Variants in KLRG1 observed in about 807,000 individuals in gnomAD.
The protein encoded by KLRG1 is killer cell lectin-like receptor subfamily G member 1.
In KLRG1, 16 loss-of-function variants were observed where a neutral mutation model predicts 21.8. The observed-to-expected ratio is 0.73, with a 90% CI of 0.50 to 1.11. The LOEUF (loss-of-function observed/expected upper bound fraction) is 1.11. Among genes scored for constraint, KLRG1 ranks in the 50% most tolerant of loss-of-function variants. KLRG1 has a pLI of 0.00. For missense variants in KLRG1, 173 were observed against 218.3 expected (o/e 0.79, Z 1.31); for synonymous variants, 69 against 75.9 (o/e 0.91, Z 0.47).
the KLRG1 span, chr12:9,157,643 C>T: frequency 4.3e-5 from 37 of 863,270 alleles, no homozygotes; most frequent in Non-Finnish European, 6.4e-5. Context: ...AAGAGCTTAT[C>T]AGTCTGAGAA....
At chr12:9,068,041 A>G in the KLRG1 span, 1 of 1,067,332 alleles carries the variant, frequency 9.4e-7, no homozygotes, top group Non-Finnish European at 1.4e-6. Flanking sequence ...CTCTCCAATA[A>G]ATGTGTTTTT....
At chr12:9,197,387 A>G in the KLRG1 span, among the ~76,000 whole-genome samples, 3 of 142,186 alleles carry the variant, frequency 2.1e-5, no homozygotes, top group African/African-American at 7.7e-5. Flanking sequence ...TTAATATATA[A>G]TATTATAATT....
the KLRG1 span, among the ~76,000 whole-genome samples, chr12:9,209,741 T>C: frequency 6.6e-6 from 1 of 152,120 alleles, no homozygotes; most frequent in African/African-American, 2.4e-5. Flanking sequence ...TTCTTCAAGA[T>C]GTGTTTATGT....
At chr12:9,157,916 C>T in the KLRG1 span, 67 of 1,192,500 alleles carry the variant, frequency 5.6e-5, no homozygotes, top group East Asian at 5.8e-4. Flanking sequence ...TTGATGGAAA[C>T]GCTCCTCAGT....
At chr12:9,189,675 A>C in the KLRG1 span, among the ~76,000 whole-genome samples, 1 of 152,228 alleles carries the variant, frequency 6.6e-6, no homozygotes, top group Non-Finnish European at 1.5e-5. Context: ...TCTGCACAGC[A>C]AAAGAAACTA....
the KLRG1 span, among the ~76,000 whole-genome samples, chr12:9,096,799 G>T: frequency 2.6e-5 from 4 of 151,974 alleles, no homozygotes; most frequent in African/African-American, 9.7e-5. Context: ...CATAATTATT[G>T]TCTGTCTCAT....
chr12:9,157,217 T>A, the KLRG1 span: 2 of 1,614,156 alleles, frequency 1.2e-6, no homozygotes. Flanking sequence ...AGTATTTCTC[T>A]ATTCTGATTT....
At chr12:9,199,032 G>T in the KLRG1 span, among the ~76,000 whole-genome samples, 2 of 152,138 alleles carry the variant, frequency 1.3e-5, no homozygotes, top group African/African-American at 4.8e-5. Flanking sequence ...TAATCACAGA[G>T]GGCAACAGTG....
At chr12:9,075,581 G>A in the KLRG1 span, among the ~76,000 whole-genome samples, 5 of 145,036 alleles carry the variant, frequency 3.4e-5, no homozygotes, top group African/African-American at 1.4e-4. Context: ...ACATAGTGTT[G>A]AACTTAGAAA....
the KLRG1 span, among the ~76,000 whole-genome samples, chr12:9,191,196 A>G: frequency 2.6e-5 from 4 of 152,164 alleles, no homozygotes; most frequent in Non-Finnish European, 4.4e-5. Flanking sequence ...TTGGAATATT[A>G]TAAAAGAAAA....
the KLRG1 span, among the ~76,000 whole-genome samples, chr12:9,194,621 C>T: frequency 1.7e-4 from 26 of 152,110 alleles, no homozygotes; most frequent in African/African-American, 5.5e-4. Flanking sequence ...CCCGCCACCC[C>T]GCCCAGCTAA....
chr12:9,014,180 TG>T (rs1947668607), downstream of KLRG1, among the ~76,000 whole-genome samples: 1 of 152,036 alleles, frequency 6.6e-6, no homozygotes, highest in Non-Finnish European at 1.5e-5. Flanking sequence ...AGACAGAGAC[TG>T]GGGTAGAAAG....
chr12:9,077,727 C>T, the KLRG1 span: 1 of 1,613,986 alleles, frequency 6.2e-7, no homozygotes, highest in East Asian at 2.2e-5. Context: ...AGCAGTGACC[C>T]AGAGCTCCTG....
At chr12:9,198,166 T>C in the KLRG1 span, among the ~76,000 whole-genome samples, 57 of 151,186 alleles carry the variant, frequency 3.8e-4, no homozygotes, top group African/African-American at 1.4e-3. Context: ...ATGGGTAACA[T>C]AGCAGGACCC....
At chr12:9,143,342 T>C in the KLRG1 span, among the ~76,000 whole-genome samples, 9 of 151,986 alleles carry the variant, frequency 5.9e-5, no homozygotes, top group Admixed American at 2.0e-4. Flanking sequence ...GTTGAAGCAG[T>C]TTTTGAATGA....
At chr12:9,168,623 C>T in the KLRG1 span, 4 of 382,216 alleles carry the variant, frequency 1.0e-5, no homozygotes, top group Non-Finnish European at 1.9e-5. Flanking sequence ...CCCTCTCTTA[C>T]AGTACATCAG....
the KLRG1 span, among the ~76,000 whole-genome samples, chr12:9,209,877 T>G: frequency 3.9e-5 from 6 of 152,164 alleles, no homozygotes; most frequent in Non-Finnish European, 7.4e-5. Flanking sequence ...TTATTAGCAT[T>G]GATAATGAGG....
rs1396634197 is a variant in KLRG1 at position 8,972,378 on chromosome 12, C to T, written c.-155-19828C>T. Among the ~76,000 whole-genome samples, 9 of 152,028 alleles carry T rather than the reference C, an allele frequency of 5.9e-5. No homozygotes were observed. In the South Asian group the frequency reaches 6.2e-4, roughly 11 times the overall value. On this transcript the variant is annotated intron_variant, in intron 1 of 4. Coordinates refer to the KLRG1 transcript ENST00000539240. ...TGCACCGTGTTAGCCAGGATGGTCT[C>T]GATCTCCTAACCTCGTGATCCGCCC... is the stretch of plus-strand genomic sequence containing the variant.
chr12:9,020,142 G>A, the KLRG1 span, among the ~76,000 whole-genome samples: 2 of 152,048 alleles, frequency 1.3e-5, no homozygotes, highest in Non-Finnish European at 2.9e-5. Flanking sequence ...GAACTCCTGG[G>A]CTCAAGTGAT....
Sources: allele counts gnomAD v4.1 joint callset (sites outside exome capture counted in the v4.1 genomes callset), GRCh38; gene constraint gnomAD v4.1.1; transcripts MANE v1.5; gene names NCBI Gene and HGNC (gene_info 2026-07-23, HGNC 2026-07-21).